PAQR8: variants seen among roughly 807,000 people sequenced by gnomAD.
The protein encoded by PAQR8 is membrane progestin receptor beta.
Under a neutral mutation model 25.2 loss-of-function variants are expected in PAQR8, and 17 were observed. The ratio of observed to expected loss-of-function variants is 0.67; its 90% CI spans 0.46 to 1.01. The LOEUF (loss-of-function observed/expected upper bound fraction) is 1.01, where lower values mean the gene tolerates loss of function less well. Among genes scored for constraint, PAQR8 ranks in the 50% least tolerant of loss-of-function variants. The probability of loss-of-function intolerance (pLI) is 0.00; values close to 1 mark genes in which losing one functional copy is unlikely to be tolerated. For synonymous variants in PAQR8, 204 were observed against 190.6 expected (o/e 1.07, Z -0.58); for missense variants, 392 against 448.4 (o/e 0.87, Z 1.14).
intron 1 of PAQR8, among the ~76,000 whole-genome samples, chr6:52,389,984 A>C (rs78463573): frequency 0.027 from 4,074 of 152,274 alleles, 70 homozygotes; most frequent in Non-Finnish European, 0.042. Flanking sequence ...CTCATGTAGA[A>C]AGTCCAGGGA....
In PAQR8 at chr6:52,386,304, C is replaced by T. The variant is rs573289516; in HGVS notation, c.-52-16858C>T. Among the ~76,000 whole-genome samples, 6 of 152,282 alleles carry T rather than the reference C, an allele frequency of 3.9e-5. No homozygotes were observed. In the South Asian group the frequency reaches 1.2e-3, roughly 32 times the overall value. ...AGCAGTTTGGAGATTTCTCAGAGAA[C>T]CAAACACAACTACCATTTGACCTAG... On this transcript the variant is annotated intron_variant, in intron 1 of 1. Coordinates refer to ENST00000442253, the MANE Select transcript of PAQR8 (RefSeq NM_133367.5).
At position 52,399,411 on chromosome 6, in the gene PAQR8, A is replaced by G. The variant is rs143643042; in HGVS notation, c.-52-3751A>G. Among the ~76,000 whole-genome samples the G allele has an allele frequency of 2.8e-3, 431 of 152,302 alleles. 6 individuals are homozygous for G. Among genetic ancestry groups the G allele is most frequent in the African/African-American group, 9.9e-3 (411 of 41,568 alleles). Reference sequence around the variant, plus strand: ...CAGGTCTGAATTGTGCTCTCTTCCAATCGCTAAACTACTAAAACCCAAAGT... The same window carrying G: ...CAGGTCTGAATTGTGCTCTCTTCCAGTCGCTAAACTACTAAAACCCAAAGT... On this transcript the variant is annotated intron_variant, in intron 1 of 1. Transcript: ENST00000442253.
At chr6:52,370,695 CAT>C (rs1337092810) in intron 1 of PAQR8, among the ~76,000 whole-genome samples, 1 of 152,156 alleles carries the variant, frequency 6.6e-6, no homozygotes, top group Non-Finnish European at 1.5e-5. Context: ...TGATGGGAGA[CAT>C]AGCTTCTGCA....
chr6:52,364,214 A>G lies in PAQR8; in HGVS notation c.-53+1965A>G, dbSNP rs564440922. 1.3e-3 allele frequency among the ~76,000 whole-genome samples: 190 copies of G among 149,662 alleles called. 2 individuals are homozygous for G. The highest frequency in any genetic ancestry group is 6.7e-3 in the Admixed American group (98 of 14,612). Reference sequence around the variant, plus strand: ...AACAAGGATTATTTTGGCAACTAGCATTTGTTGGGTCTGTTTTTAATTCAT... The same window carrying G: ...AACAAGGATTATTTTGGCAACTAGCGTTTGTTGGGTCTGTTTTTAATTCAT... On this transcript the variant is annotated intron_variant, in intron 1 of 1. Coordinates refer to ENST00000442253, the MANE Select transcript of PAQR8 (RefSeq NM_133367.5).
intron 1 of PAQR8, among the ~76,000 whole-genome samples, chr6:52,367,573 C>T (rs552673790): frequency 8.5e-4 from 129 of 152,312 alleles, no homozygotes; most frequent in African/African-American, 3.1e-3. Context: ...ATTCAGGTTT[C>T]TTGTTTTCAT....
intron 1 of PAQR8, among the ~76,000 whole-genome samples, chr6:52,366,587 A>G (rs913149349): frequency 6.6e-6 from 1 of 152,236 alleles, no homozygotes; most frequent in African/African-American, 2.4e-5. Context: ...GAAAATAGCT[A>G]TAATTAGTGA....
At chr6:52,363,487 T>G (rs1763314852) in intron 1 of PAQR8, among the ~76,000 whole-genome samples, 1 of 152,224 alleles carries the variant, frequency 6.6e-6, no homozygotes, top group South Asian at 2.1e-4. Flanking sequence ...ATACACTGTA[T>G]GTGTGATTTT....
chr6:52,391,344 A>G (rs1763707098), intron 1 of PAQR8, among the ~76,000 whole-genome samples: 1 of 152,370 alleles, frequency 6.6e-6, no homozygotes, highest in East Asian at 1.9e-4. Context: ...TAATAAGTGC[A>G]TAGTATTCTA....
chr6:52,371,738 G>A (rs1457857017), intron 1 of PAQR8, among the ~76,000 whole-genome samples: 1 of 152,198 alleles, frequency 6.6e-6, no homozygotes, highest in Non-Finnish European at 1.5e-5. Context: ...CAATCACTGT[G>A]TGCCAGGCAT....
chr6:52,393,786 G>A (rs1763737378), intron 1 of PAQR8, among the ~76,000 whole-genome samples: 1 of 152,160 alleles, frequency 6.6e-6, no homozygotes, highest in African/African-American at 2.4e-5. Context: ...AAACCATGTA[G>A]GCATACAGTA....
intron 1 of PAQR8, among the ~76,000 whole-genome samples, chr6:52,364,083 G>GTTT (rs67846872): frequency 0.13 from 10,533 of 84,048 alleles, 1,680 homozygotes; most frequent in Non-Finnish European, 0.18. Context: ...TGAAAGATAT[G>GTTT]TTTTTTTTTT....
intron 1 of PAQR8, among the ~76,000 whole-genome samples, chr6:52,367,799 G>A (rs1397655297): frequency 6.6e-6 from 1 of 152,210 alleles, no homozygotes; most frequent in Non-Finnish European, 1.5e-5. Flanking sequence ...AGATAGCCAG[G>A]CCAGGAAGCT....
intron 1 of PAQR8, among the ~76,000 whole-genome samples, chr6:52,392,067 A>G (rs958012219): frequency 1.3e-5 from 2 of 152,176 alleles, no homozygotes; most frequent in Admixed American, 6.5e-5. Context: ...AGAGAGGTTG[A>G]ATAATTTGCT....
At position 52,403,362 on chromosome 6, in the gene PAQR8, A is replaced by C; in HGVS notation, c.149A>C (p.Tyr50Ser). ...GTGCCCCAGCTCTTCCGGGAGCCTT[A>C]CATCCGCACCGGCTACCGCCCCACG... ...TDVPQLFREP[Y>S]IRTGYRPTGH... Residue 50 changes from tyrosine to serine, a missense_variant, in exon 2 of 2, where the codon TAC becomes TCC. Tyr to Ser is a moderately radical substitution (Grantham distance 144). Transcript: ENST00000442253. 6.2e-7 allele frequency: 1 copy of C among 1,614,250 alleles called. No individual in the cohort carries two copies. Among genetic ancestry groups the C allele is most frequent in the Non-Finnish European group, 8.5e-7 (1 of 1,180,040 alleles).
At chr6:52,372,664 CA>C (rs1763433273) in intron 1 of PAQR8, among the ~76,000 whole-genome samples, 1 of 151,566 alleles carries the variant, frequency 6.6e-6, no homozygotes, top group Non-Finnish European at 1.5e-5. Flanking sequence ...CAGAGGTAGA[CA>C]ATATGGTATA....
intron 1 of PAQR8, among the ~76,000 whole-genome samples, chr6:52,380,461 C>A (rs971265889): frequency 1.3e-5 from 2 of 152,180 alleles, no homozygotes; most frequent in Non-Finnish European, 2.9e-5. Context: ...AATCAGATAT[C>A]ATCTGAGACT....
intron 1 of PAQR8, among the ~76,000 whole-genome samples, chr6:52,402,588 G>A (rs1763846724): frequency 7.1e-6 from 1 of 140,714 alleles, no homozygotes; most frequent in African/African-American, 2.7e-5. Flanking sequence ...TTGCATTCCA[G>A]CCTGGGCAAC....
rs1763856099 is a variant in PAQR8 at position 52,403,157 on chromosome 6, T to C, written c.-52-5T>C. On this transcript the variant is annotated splice_polypyrimidine_tract_variant and splice_region_variant and intron_variant, in intron 1 of 1. Transcript: ENST00000442253. ...GCTTTGCCAATTTTCCTTTCTTTTC[T>C]GCAGGTTGCATACCCTGTCCTGAGG... 6.8e-7 allele frequency: 1 copy of C among 1,462,056 alleles called. No homozygotes were observed. The allele number at this position is 1,462,056 out of a possible 1,614,324, so 90.6% of individuals were successfully genotyped here. A position where few individuals can be genotyped will look rare whatever the true frequency, so the allele number is the denominator to read the frequency against.
intron 1 of PAQR8, among the ~76,000 whole-genome samples, chr6:52,390,559 G>A (rs955486011): frequency 1.3e-5 from 2 of 152,102 alleles, no homozygotes; most frequent in Admixed American, 6.6e-5. Context: ...CGGTTCAGCC[G>A]TACCACAAAC....
Sources: gnomAD v4.1 joint callset for allele counts (sites outside exome capture counted in the v4.1 genomes callset) on GRCh38, gnomAD v4.1.1 for gene constraint, MANE v1.5 for transcripts, NCBI Gene and HGNC (gene_info 2026-07-23, HGNC 2026-07-21) for gene names.